AGPS: variants seen among roughly 807,000 people sequenced by gnomAD.
AGPS encodes the protein alkyldihydroxyacetonephosphate synthase, peroxisomal.
A neutral mutation model predicts 90.7 loss-of-function variants in AGPS; 26 were observed. The observed-to-expected ratio is 0.29, with a 90% CI of 0.21 to 0.40. AGPS has a LOEUF of 0.40. Ranked by LOEUF, AGPS falls within the 10% of genes least tolerant of loss-of-function variation. The probability of loss-of-function intolerance (pLI) is 1.00; values close to 1 mark genes in which losing one functional copy is unlikely to be tolerated. For synonymous variants in AGPS, 294 were observed against 285.3 expected (o/e 1.03, Z -0.31); for missense variants, 540 against 816.1 (o/e 0.66, Z 4.12).
chr2:177,499,812 G>A (rs1688508323), intron 14 of AGPS, 82 bp downstream of exon 14: 2 of 893,182 alleles, frequency 2.2e-6, no homozygotes, highest in Admixed American at 3.6e-5. Flanking sequence ...TAAAGTACTA[G>A]GCATTAATGT....
intron 1 of AGPS, among the ~76,000 whole-genome samples, chr2:177,395,080 A>G (rs1229908006): frequency 6.6e-6 from 1 of 152,180 alleles, no homozygotes; most frequent in Non-Finnish European, 1.5e-5. Flanking sequence ...AATAGCTGTC[A>G]TTAGGTTTAA....
At chr2:177,463,333 G>A (rs1687353967) in intron 9 of AGPS, among the ~76,000 whole-genome samples, 1 of 152,146 alleles carries the variant, frequency 6.6e-6, no homozygotes, top group African/African-American at 2.4e-5. Context: ...TTATTGTGAG[G>A]AGTAAAGGAC....
At chr2:177,498,191 A>C (rs1688463250) in intron 13 of AGPS, among the ~76,000 whole-genome samples, 1 of 151,350 alleles carries the variant, frequency 6.6e-6, no homozygotes, top group Admixed American at 6.6e-5. Flanking sequence ...TTTTTGTTAC[A>C]TTTTTAATTT....
intron 1 of AGPS, among the ~76,000 whole-genome samples, chr2:177,410,319 A>G (rs1391746764): frequency 6.6e-6 from 1 of 151,932 alleles, no homozygotes; most frequent in Non-Finnish European, 1.5e-5. Flanking sequence ...CCACCTCTTG[A>G]GGTTTCTGTA....
intron 2 of AGPS, among the ~76,000 whole-genome samples, chr2:177,429,780 ACAGT>A (rs894490905): frequency 3.9e-5 from 6 of 152,164 alleles, no homozygotes; most frequent in African/African-American, 1.4e-4. Context: ...GAGCTCTGAC[ACAGT>A]CAGGAGGAAC....
chr2:177,430,300 G>T (rs1334754818), intron 2 of AGPS, among the ~76,000 whole-genome samples: 1 of 152,224 alleles, frequency 6.6e-6, no homozygotes. Context: ...GTGGAAGTGT[G>T]GCCTGCAGAA....
chr2:177,405,539 C>A (rs1042714921), intron 1 of AGPS, among the ~76,000 whole-genome samples: 1 of 152,160 alleles, frequency 6.6e-6, no homozygotes, highest in Non-Finnish European at 1.5e-5. Flanking sequence ...ATTTTCCACA[C>A]GTATCACTCT....
chr2:177,499,972 A>G (rs534511369), intron 14 of AGPS, among the ~76,000 whole-genome samples: 1 of 151,908 alleles, frequency 6.6e-6, no homozygotes, highest in East Asian at 1.9e-4. Flanking sequence ...TTGTCTAATC[A>G]TATATATATT....
chr2:177,519,161 C>CT (rs1300625300), intron 17 of AGPS, among the ~76,000 whole-genome samples: 3 of 152,084 alleles, frequency 2.0e-5, no homozygotes, highest in Non-Finnish European at 4.4e-5. Context: ...TTTTTCCCTG[C>CT]TTTTTTCCCT....
intron 8 of AGPS, among the ~76,000 whole-genome samples, chr2:177,454,779 G>A (rs1465161187): frequency 6.6e-6 from 1 of 151,940 alleles, no homozygotes; most frequent in Non-Finnish European, 1.5e-5. Context: ...GCTTTTTTCA[G>A]TCTGAGACTA....
At chr2:177,523,845 T>C (rs2079054544) in intron 19 of AGPS, 40 bp downstream of exon 19, 2 of 1,505,398 alleles carry the variant, frequency 1.3e-6, no homozygotes, top group Admixed American at 3.3e-5. Context: ...TATTCTTACT[T>C]TAAAAAATAT....
chr2:177,407,028 G>C (rs1227678902), intron 1 of AGPS, among the ~76,000 whole-genome samples: 1 of 152,180 alleles, frequency 6.6e-6, no homozygotes, highest in East Asian at 1.9e-4. Flanking sequence ...TGAAATCTTT[G>C]CTTCCTAGTT....
chr2:177,455,368 G>GT (rs1471864669), intron 8 of AGPS, among the ~76,000 whole-genome samples: 1 of 152,056 alleles, frequency 6.6e-6, no homozygotes, highest in Non-Finnish European at 1.5e-5. Flanking sequence ...GCTAAACTAG[G>GT]GTCAAGTCAC....
rs554204372 is a variant in AGPS at position 177,458,363 on chromosome 2, T to G, written c.871-3530T>G. Among the ~76,000 whole-genome samples, 47 of 152,152 alleles carry G rather than the reference T, an allele frequency of 3.1e-4. No individual in the cohort carries two copies. The East Asian group carries it at 5.0e-3, about 16-fold the overall frequency. On this transcript the variant is annotated intron_variant, in intron 8 of 19. Coordinates refer to ENST00000264167, the MANE Select transcript of AGPS (RefSeq NM_003659.4). ...AGGGCAATCAGGCAAGAGAAAGAAA[T>G]AAAGCGTATTCAAATAGGAAGAGAG...
intron 10 of AGPS, among the ~76,000 whole-genome samples, chr2:177,481,200 A>G (rs1054687879): frequency 6.6e-6 from 1 of 152,100 alleles, no homozygotes; most frequent in Non-Finnish European, 1.5e-5. Context: ...TTTTTTAAAA[A>G]TGATGCTCAG....
At chr2:177,462,213 AC>A (rs1172403363) in intron 9 of AGPS, among the ~76,000 whole-genome samples, 195 bp downstream of exon 9, 22 of 151,818 alleles carry the variant, frequency 1.4e-4, no homozygotes, top group African/African-American at 5.3e-4. Context: ...ACAAGGTGAA[AC>A]CCCGTCTCTA....
At position 177,542,045 on chromosome 2, in the gene AGPS, T is replaced by TA. The variant is rs1471048514; in HGVS notation, c.*3850_*3851insA. On this transcript the variant is annotated 3_prime_UTR_variant, in exon 20 of 20. Transcript: ENST00000264167. Reference sequence around the variant, plus strand: ...TAAAATGGACCTGGGTCTAATATTTTTTTTCTTCAAAGGGAGTGTGAAGCT... The same window carrying TA: ...TAAAATGGACCTGGGTCTAATATTTTATTTTCTTCAAAGGGAGTGTGAAGCT... 4 of 151,604 alleles carry TA rather than the reference T, an allele frequency of 2.6e-5. No individual in the cohort carries two copies. Among genetic ancestry groups the TA allele is most frequent in the Non-Finnish European group, 5.9e-5 (4 of 67,898 alleles). 9.4% of individuals were successfully genotyped at this position (151,604 alleles called of 1,614,324 possible).
At chr2:177,405,674 T>TG (rs1448411246) in intron 1 of AGPS, among the ~76,000 whole-genome samples, 4 of 4,184 alleles carry the variant, frequency 9.6e-4, no homozygotes, top group Non-Finnish European at 3.0e-3. Flanking sequence ...TATTCTGTTG[T>TG]TTTTTTTTTT....
At chr2:177,443,189 C>A (rs1297903352) in intron 7 of AGPS, among the ~76,000 whole-genome samples, 2 of 152,214 alleles carry the variant, frequency 1.3e-5, no homozygotes, top group African/African-American at 4.8e-5. Flanking sequence ...TCACTCCTGG[C>A]AAAATCAAAA....
Sources: allele counts gnomAD v4.1 joint callset (sites outside exome capture counted in the v4.1 genomes callset), GRCh38; gene constraint gnomAD v4.1.1; transcripts MANE v1.5; gene names NCBI Gene and HGNC (gene_info 2026-07-23, HGNC 2026-07-21).